The following C12orf43 variants were observed in gnomAD, a reference collection of about 807,000 sequenced individuals.
The protein encoded by C12orf43 is protein CUSTOS.
A neutral mutation model predicts 20.6 loss-of-function variants in C12orf43; 15 were observed. That is an observed-to-expected ratio of 0.73 (90% confidence interval 0.49 to 1.12). The LOEUF (loss-of-function observed/expected upper bound fraction) is 1.12, where lower values mean the gene tolerates loss of function less well. C12orf43 is among the 50% of genes most tolerant of loss of function. The probability of loss-of-function intolerance (pLI) is 0.00; values close to 1 mark genes in which losing one functional copy is unlikely to be tolerated. For missense variants in C12orf43, 334 were observed against 344.4 expected (o/e 0.97, Z 0.24); for synonymous variants, 144 against 130.8 (o/e 1.10, Z -0.69).
In C12orf43 at chr12:121,013,429, A is replaced by G. The variant is rs537450418; in HGVS notation, c.146-2283T>C. ...CTCTCCCTGAGCCTTTGTTTTTCTC[A>G]TCTATAAAATGGGAATACGATTACC... On this transcript the variant is annotated intron_variant, in intron 1 of 5. Transcript: ENST00000288757. Among the ~76,000 whole-genome samples, 12 of 152,210 alleles carry G rather than the reference A, an allele frequency of 7.9e-5. No individual in the cohort carries two copies. The South Asian group carries it at 2.3e-3, about 29-fold the overall frequency.
intron 3 of C12orf43, among the ~76,000 whole-genome samples, chr12:121,009,923 G>A (rs987319361): frequency 6.6e-6 from 1 of 152,236 alleles, no homozygotes; most frequent in Non-Finnish European, 1.5e-5. Flanking sequence ...TAGGAACACG[G>A]TCCTTCCTTG....
Position 121,011,165 on chromosome 12 carries a change from T to C in C12orf43, c.146-19A>G, listed in dbSNP as rs749565500. ...GCAGCACCTGTGGAAAAATGAAAAT[T>C]AGGGCATTTATAGAGGAAACAATGA... On this transcript the variant is annotated intron_variant, in intron 1 of 5. Transcript: ENST00000288757. The C allele has an allele frequency of 1.9e-6, 3 of 1,612,280 alleles. No individual in the cohort carries two copies. Among genetic ancestry groups the C allele is most frequent in the Non-Finnish European group, 2.5e-6 (3 of 1,178,694 alleles).
In C12orf43 at chr12:121,000,914, G is replaced by A. The variant is rs56376158; in HGVS notation, c.*3239C>T. On this transcript the variant is annotated 3_prime_UTR_variant, in exon 6 of 6. Coordinates refer to ENST00000288757, the MANE Select transcript of C12orf43 (RefSeq NM_022895.3). ...GCTGGGAGGCTCCCTTTGAAGAACCGAGGGTAGAGGTGTGACTTTGGGGTT... is the reference window on the plus strand; with the variant it reads ...GCTGGGAGGCTCCCTTTGAAGAACCAAGGGTAGAGGTGTGACTTTGGGGTT... 65 of 1,091,904 alleles carry A rather than the reference G, an allele frequency of 6.0e-5. No individual in the cohort carries two copies. The East Asian group carries it at 7.0e-4, about 12-fold the overall frequency. 67.6% of individuals were successfully genotyped at this position (1,091,904 alleles called of 1,614,324 possible).
rs1877662610 is a variant in C12orf43, at chr12:121,003,208, G to T, written c.*945C>A. 1 of 151,982 alleles carries T rather than the reference G, an allele frequency of 6.6e-6. No homozygotes were observed. The highest frequency in any genetic ancestry group is 6.6e-5 in the Admixed American group (1 of 15,234). 9.4% of individuals were successfully genotyped at this position (151,982 alleles called of 1,614,324 possible). A position where few individuals can be genotyped will look rare whatever the true frequency, so the allele number is the denominator to read the frequency against. ...TGCTCAGCTAATTTTTGTATTTTTA[G>T]TAGAGATGGGGTCTCGCCATGTTGG... On this transcript the variant is annotated 3_prime_UTR_variant, in exon 6 of 6. Coordinates refer to ENST00000288757, the MANE Select transcript of C12orf43 (RefSeq NM_022895.3).
At position 121,000,940 on chromosome 12, in the gene C12orf43, C is replaced by T; in HGVS notation, c.*3213G>A. 2 of 1,353,006 alleles carry T rather than the reference C, an allele frequency of 1.5e-6. No homozygotes were observed. The highest frequency in any genetic ancestry group is 2.8e-5 in the African/African-American group (2 of 70,704). The allele number at this position is 1,353,006 out of a possible 1,614,324, so 83.8% of individuals were successfully genotyped here. ...AGGGTAGAGGTGTGACTTTGGGGTT[C>T]CTGTTATCTGCTGTGATCCAGGAGG... is the stretch of plus-strand genomic sequence containing the variant. On this transcript the variant is annotated 3_prime_UTR_variant, in exon 6 of 6. Coordinates refer to ENST00000288757, the MANE Select transcript of C12orf43 (RefSeq NM_022895.3).
chr12:121,001,362 C>T lies in C12orf43; in HGVS notation c.*2791G>A, dbSNP rs547080919. ...GCATCAGAAAGGGAGGGCTCTGAGG[C>T]GCCCCAACCCGTGGAGGCTGCTCGG... On this transcript the variant is annotated 3_prime_UTR_variant, in exon 6 of 6. Coordinates refer to ENST00000288757, the MANE Select transcript of C12orf43 (RefSeq NM_022895.3). 139 of 820,796 alleles carry T rather than the reference C, an allele frequency of 1.7e-4. No individual in the cohort carries two copies. The highest frequency in any genetic ancestry group is 5.4e-4 in the South Asian group (32 of 58,846). The allele number at this position is 820,796 out of a possible 1,614,324, so 50.8% of individuals were successfully genotyped here.
In C12orf43 at chr12:121,005,167, G is replaced by C; in HGVS notation, c.362-74C>G. ...GAAACATAAAAAAATAAAAAATAAA[G>C]AAACAAAAAAGAAAAAAATTTTAAA... is the stretch of plus-strand genomic sequence containing the variant. On this transcript the variant is annotated intron_variant, in intron 4 of 5. Coordinates refer to ENST00000288757, the MANE Select transcript of C12orf43 (RefSeq NM_022895.3). The surrounding 1 kb of genome is among the most constrained non-coding windows in gnomAD (Gnocchi z 5.6). The C allele has an allele frequency of 1.2e-6, 1 of 845,792 alleles. No individual in the cohort carries two copies. Among genetic ancestry groups the C allele is most frequent in the Non-Finnish European group, 1.6e-6 (1 of 633,486 alleles). The allele number at this position is 845,792 out of a possible 1,614,324, so 52.4% of individuals were successfully genotyped here.
intron 1 of C12orf43, among the ~76,000 whole-genome samples, 171 bp from the exon 2 acceptor site, chr12:121,011,317 A>G (rs1265429759): frequency 6.7e-6 from 1 of 148,882 alleles, no homozygotes; most frequent in Admixed American, 6.7e-5. Context: ...TTATATACCC[A>G]TAACTTCAAA....
chr12:121,014,776 C>T (rs886176679), intron 1 of C12orf43, among the ~76,000 whole-genome samples: 5 of 151,204 alleles, frequency 3.3e-5, no homozygotes, highest in Non-Finnish European at 5.9e-5. Context: ...CCCAGGAGTT[C>T]GAGACCAGCC....
chr12:121,011,684 A>C (rs528068764), intron 1 of C12orf43, among the ~76,000 whole-genome samples: 6 of 152,208 alleles, frequency 3.9e-5, no homozygotes, highest in African/African-American at 1.4e-4. Context: ...GGCCCAGGCC[A>C]TCTGACTCCT....
rs1370039430 is a variant in C12orf43, at chr12:121,005,299, A to C, written c.362-206T>G. ...AAACAATAACAAAAAAACCCAACCA[A>C]GCAAACAAACAAAAAAAACAAAGGA... On this transcript the variant is annotated intron_variant, in intron 4 of 5. Coordinates refer to ENST00000288757, the MANE Select transcript of C12orf43 (RefSeq NM_022895.3). The surrounding 1 kb of genome is among the most constrained non-coding windows in gnomAD (Gnocchi z 5.6). Among the ~76,000 whole-genome samples, 1 of 152,108 alleles carries C rather than the reference A, an allele frequency of 6.6e-6. No homozygotes were observed. Among genetic ancestry groups the C allele is most frequent in the Non-Finnish European group, 1.5e-5 (1 of 68,014 alleles).
In C12orf43 at chr12:121,001,523, C is replaced by T; in HGVS notation, c.*2630G>A. The T allele has an allele frequency of 2.2e-6, 1 of 452,452 alleles. No individual in the cohort carries two copies. The highest frequency in any genetic ancestry group is 4.2e-6 in the Non-Finnish European group (1 of 240,478). 28.0% of individuals were successfully genotyped at this position (452,452 alleles called of 1,614,324 possible). ...GGGCGGCCTATGACTTGGGCACCCC[C>T]AGCCTGGGCCTATGGAGAGCCCTGG... On this transcript the variant is annotated 3_prime_UTR_variant, in exon 6 of 6. Coordinates refer to ENST00000288757, the MANE Select transcript of C12orf43 (RefSeq NM_022895.3).
rs189924813 is a variant in C12orf43, at chr12:121,001,500, G to T, written c.*2653C>A. ...GTCTTCTTACTTGGAACTGAAGGGGGCGGCCTATGACTTGGGCACCCCCAG... is the reference window on the plus strand; with the variant it reads ...GTCTTCTTACTTGGAACTGAAGGGGTCGGCCTATGACTTGGGCACCCCCAG... On this transcript the variant is annotated 3_prime_UTR_variant, in exon 6 of 6. Transcript: ENST00000288757. 5.3e-4 allele frequency: 246 copies of T among 464,544 alleles called. No individual in the cohort carries two copies. The highest frequency in any genetic ancestry group is 4.5e-3 in the African/African-American group (234 of 51,568). 28.8% of individuals were successfully genotyped at this position (464,544 alleles called of 1,614,324 possible). A position where few individuals can be genotyped will look rare whatever the true frequency, so the allele number is the denominator to read the frequency against.
chr12:121,011,894 C>T (rs73214143), intron 1 of C12orf43, among the ~76,000 whole-genome samples: 6,380 of 152,268 alleles, frequency 0.042, 174 homozygotes, highest in South Asian at 0.092. Flanking sequence ...ATACTGAATG[C>T]CTTTTATTAA....
rs200678000 is a variant in C12orf43 at position 121,006,424 on chromosome 12, A to G, written c.288-30T>C. On this transcript the variant is annotated intron_variant, in intron 3 of 5. Coordinates refer to ENST00000288757, the MANE Select transcript of C12orf43 (RefSeq NM_022895.3). ...AGGGAGACGAGACGGTTGATTTAAG[A>G]TGAGATTTTTGGATAACGACAAAAA... The G allele has an allele frequency of 3.0e-5, 49 of 1,607,634 alleles. No homozygotes were observed. The African/African-American group carries it at 5.7e-4, about 19-fold the overall frequency.
chr12:121,006,114 G>A, intron 4 of C12orf43: 1 of 510,944 alleles, frequency 2.0e-6, no homozygotes, highest in Non-Finnish European at 3.5e-6. Flanking sequence ...TACTCAGGAA[G>A]CTGAGGTGGG....
At position 121,005,304 on chromosome 12, in the gene C12orf43, AC is replaced by A. The variant is rs1203327828; in HGVS notation, c.362-212del. 3.3e-5 allele frequency among the ~76,000 whole-genome samples: 5 copies of A among 152,086 alleles called. No individual in the cohort carries two copies. Among genetic ancestry groups the A allele is most frequent in the Admixed American group, 1.3e-4 (2 of 15,278 alleles). On this transcript the variant is annotated intron_variant, in intron 4 of 5. Coordinates refer to ENST00000288757, the MANE Select transcript of C12orf43 (RefSeq NM_022895.3). The surrounding 1 kb of genome is among the most constrained non-coding windows in gnomAD (Gnocchi z 5.6). ...ATAACAAAAAAACCCAACCAAGCAA[AC>A]AAACAAAAAAAACAAAGGAGCAGAG...
chr12:121,004,374 T>G lies in C12orf43; in HGVS notation c.568A>C (p.Lys190Gln). The G allele has an allele frequency of 6.2e-7, 1 of 1,614,200 alleles. No homozygotes were observed. The highest frequency in any genetic ancestry group is 8.5e-7 in the Non-Finnish European group (1 of 1,180,038). ...TTGGCTTTCTTTTTCAACTTCCTTTTCTTCTTTGCCTCCTTCTCCACTGTT... is the reference window on the plus strand; with the variant it reads ...TTGGCTTTCTTTTTCAACTTCCTTTGCTTCTTTGCCTCCTTCTCCACTGTT... ...PGTVEKEAKKKRKLKKKAKKV... is the reference protein window; with the variant it reads ...PGTVEKEAKKQRKLKKKAKKV... The change falls in exon 6 of 6, where the codon AAA (lysine) becomes CAA (glutamine). Residue 190 changes from lysine (K) to glutamine (Q), a missense_variant. Lys to Gln is a moderately conservative substitution (Grantham distance 53). Transcript: ENST00000288757. The surrounding 1 kb of genome is among the most constrained non-coding windows in gnomAD (Gnocchi z 5.6).
In C12orf43 at chr12:121,004,332, C is replaced by G; in HGVS notation, c.610G>C (p.Asp204His). 1 of 1,614,204 alleles carries G rather than the reference C, an allele frequency of 6.2e-7. No individual in the cohort carries two copies. Among genetic ancestry groups the G allele is most frequent in the East Asian group, 2.2e-5 (1 of 44,882 alleles). ...KKKAKKVASV[D>H]SAVAATTPTS... ...GGGGTGGTGGCAGCGACAGCCGAGT[C>G]GACACTGGCCACCTTCTTGGCTTTC... Residue 204 changes from aspartate to histidine, a missense_variant, in exon 6 of 6, where the codon GAC (aspartate) becomes CAC (histidine). Asp to His is a moderately conservative substitution (Grantham distance 81, BLOSUM62 -1). Coordinates refer to ENST00000288757, the MANE Select transcript of C12orf43 (RefSeq NM_022895.3). This position sits in a 1 kb window ranked among gnomAD's most constrained non-coding sequence, Gnocchi z 5.6.
Sources: gnomAD v4.1 joint callset for allele counts (sites outside exome capture counted in the v4.1 genomes callset) on GRCh38, gnomAD v4.1.1 for gene constraint, Gnocchi (gnomAD v3.1) non-coding constraint, MANE v1.5 for transcripts, NCBI Gene and HGNC (gene_info 2026-07-23, HGNC 2026-07-21) for gene names.